LAMA5: variants seen among roughly 807,000 people sequenced by gnomAD.
LAMA5 encodes the protein laminin subunit alpha 5, also known as laminin subunit alpha-5.
A neutral mutation model predicts 433.4 loss-of-function variants in LAMA5; 260 were observed. The observed-to-expected ratio is 0.60, with a 90% CI of 0.54 to 0.66. The LOEUF is 0.66. LAMA5 is among the 30% of genes least tolerant of loss of function. The pLI is 0.00. For synonymous variants in LAMA5, 2,620 were observed against 2,226.6 expected (o/e 1.18, Z -4.97); for missense variants, 5,378 against 5,258.5 (o/e 1.02, Z -0.70).
intron 38 of LAMA5, 112 bp downstream of exon 38, chr20:62,327,121 G>A (rs1480158148): frequency 1.8e-5 from 21 of 1,187,618 alleles, no homozygotes; most frequent in East Asian, 1.0e-4. Context: ...GCACCCTCAC[G>A]GACCCCCATG....
In LAMA5 at chr20:62,328,363, C is replaced by T. The variant is rs7262393; in HGVS notation, c.4530G>A (p.Leu1510=). The change falls in exon 35 of 80, where the codon CTG becomes CTA. Residue 1510 remains leucine (L), a synonymous_variant. Coordinates refer to ENST00000252999, the MANE Select transcript of LAMA5 (RefSeq NM_005560.6). ...CPPRTIPPDC[L]LCQPQTFGCH... is the part of the protein sequence containing the mutation. Reference sequence around the variant, plus strand: ...AGCCAAAGGTCTGGGGCTGGCACAGCAGGCAGTCGGGCGGGATGGTGCGTG... The same window carrying T: ...AGCCAAAGGTCTGGGGCTGGCACAGTAGGCAGTCGGGCGGGATGGTGCGTG... The T allele has an allele frequency of 0.21, 331,138 of 1,585,618 alleles. 35,936 individuals are homozygous for T. Among genetic ancestry groups the T allele is most frequent in the African/African-American group, 0.27 (20,332 of 74,564 alleles).
At position 62,310,665 on chromosome 20, in the gene LAMA5, C is replaced by T. The variant is rs754844649; in HGVS notation, c.10446G>A (p.Pro3482=). 26 of 1,602,266 alleles carry T rather than the reference C, an allele frequency of 1.6e-5. No homozygotes were observed. Among genetic ancestry groups the T allele is most frequent in the East Asian group, 4.5e-5 (2 of 44,878 alleles). Residue 3482 remains proline (P), a splice_region_variant and synonymous_variant, in exon 75 of 80, where the codon CCG becomes CCA. Coordinates refer to ENST00000252999, the MANE Select transcript of LAMA5 (RefSeq NM_005560.6). The stretch of plus-strand genomic sequence containing the variant: ...GGGGCTGGGGCAAGATGGTTCTCAC[C>T]GGAAGTTTGGAGCTGTGGCTGCTGG... ...LPASSHSSKL[P]VTVGFSGCVK... is the part of the protein sequence containing the mutation.
chr20:62,317,480 G>C lies in LAMA5; in HGVS notation c.7376C>G (p.Ala2459Gly), dbSNP rs1365259007. 1.3e-6 allele frequency: 2 copies of C among 1,551,652 alleles called. No homozygotes were observed. The highest frequency in any genetic ancestry group is 1.7e-6 in the Non-Finnish European group (2 of 1,146,142). ...TGGGGTCCGAGCCCCATCCAGGCTG[G>C]CGGCGAGGCGCTCCAGCTCCTGGAA... ...QAKEELERLAASLDGARTPLL... is the reference protein window; with the variant it reads ...QAKEELERLAGSLDGARTPLL... The change falls in exon 55 of 80, where the codon GCC becomes GGC. Residue 2459 changes from alanine to glycine, a missense_variant. Ala to Gly is a moderately conservative substitution (Grantham distance 60). Transcript: ENST00000252999.
At position 62,324,278 on chromosome 20, in the gene LAMA5, C is replaced by T. The variant is rs1249263043; in HGVS notation, c.5644-74G>A. The T allele has an allele frequency of 1.9e-6, 3 of 1,545,558 alleles. No individual in the cohort carries two copies. Among genetic ancestry groups the T allele is most frequent in the Non-Finnish European group, 1.7e-6 (2 of 1,147,194 alleles). On this transcript the variant is annotated intron_variant, in intron 42 of 79. Transcript: ENST00000252999. This position sits in a 1 kb window ranked among gnomAD's most constrained non-coding sequence, Gnocchi z 4.4. The stretch of plus-strand genomic sequence containing the variant: ...TGCCGAGTCTGTGCAGCTCCCACCA[C>T]CCCTGCCTCAGACTCTGTGCCCAAG...
Position 62,332,461 on chromosome 20 carries a change from C to T in LAMA5, c.3463G>A (p.Ala1155Thr). Residue 1155 changes from alanine to threonine, a missense_variant, in exon 28 of 80, where the codon GCC (alanine) becomes ACC (threonine). Transcript: ENST00000252999. ...GCCAGGTGGTCCTGGGTATCCCGGG[C>T]AGTGCCCCGGCACAGGGTGCTGTGG... ...CLYSTLCRGT[A>T]RDTQDHLAVF... 6.2e-7 allele frequency: 1 copy of T among 1,612,604 alleles called. No individual in the cohort carries two copies. The highest frequency in any genetic ancestry group is 8.5e-7 in the Non-Finnish European group (1 of 1,179,894).
chr20:62,343,321 G>A (rs1270611992), intron 11 of LAMA5, among the ~76,000 whole-genome samples: 1 of 152,172 alleles, frequency 6.6e-6, no homozygotes, highest in East Asian at 1.9e-4. Flanking sequence ...GAGAATTCCT[G>A]GGTAAGGGAG....
Position 62,313,505 on chromosome 20 carries a change from C to T in LAMA5, c.8659-45G>A, listed in dbSNP as rs755800812. On this transcript the variant is annotated intron_variant, in intron 63 of 79. Transcript: ENST00000252999. Reference sequence around the variant, plus strand: ...TCAGGGCACCTGGCCTGAGGCGCCTCCCCTCCAGGATGGACCAAGGGGACT... The same window carrying T: ...TCAGGGCACCTGGCCTGAGGCGCCTTCCCTCCAGGATGGACCAAGGGGACT... The T allele has an allele frequency of 3.8e-6, 6 of 1,565,734 alleles. No homozygotes were observed. In the South Asian group the frequency reaches 7.2e-5, roughly 19 times the overall value.
Position 62,317,851 on chromosome 20 carries a change from C to T in LAMA5, c.7240-73G>A, listed in dbSNP as rs1045650367. On this transcript the variant is annotated intron_variant, in intron 53 of 79. Coordinates refer to ENST00000252999, the MANE Select transcript of LAMA5 (RefSeq NM_005560.6). ...ATAAAGGATGTGATGGGGTGGACAG[C>T]AGGGCAGGGAAGGGAGAAGAAAAGA... 17 of 419,002 alleles carry T rather than the reference C, an allele frequency of 4.1e-5. 1 individual carries two copies. The Middle Eastern group carries it at 2.6e-3, about 63-fold the overall frequency. The allele number at this position is 419,002 out of a possible 1,614,324, so 26.0% of individuals were successfully genotyped here.
intron 35 of LAMA5, 106 bp downstream of exon 35, chr20:62,328,135 C>G (rs2146168261): frequency 6.6e-7 from 1 of 1,513,776 alleles, no homozygotes; most frequent in East Asian, 2.4e-5. Context: ...CTGCTGCACC[C>G]AGGGAGCACA....
chr20:62,364,955 G>A (rs935679101), intron 1 of LAMA5, among the ~76,000 whole-genome samples: 8 of 152,250 alleles, frequency 5.3e-5, no homozygotes, highest in South Asian at 2.1e-4. Flanking sequence ...TGCCCCAACC[G>A]CAGCTCCACT....
chr20:62,311,809 C>G (rs375991554), intron 70 of LAMA5, 25 bp from the exon 71 acceptor site: 4 of 1,558,096 alleles, frequency 2.6e-6, no homozygotes, highest in Non-Finnish European at 3.5e-6. Flanking sequence ...GCCGGAGGCT[C>G]GGTTTTTCCC....
chr20:62,320,070 G>C (rs754971804), intron 50 of LAMA5, among the ~76,000 whole-genome samples: 7 of 152,126 alleles, frequency 4.6e-5, no homozygotes, highest in Non-Finnish European at 1.0e-4. Context: ...TGTAATCCCA[G>C]CACTTTGGGA....
intron 18 of LAMA5, 71 bp from the exon 19 acceptor site, chr20:62,335,340 C>A: frequency 1.3e-6 from 2 of 1,521,070 alleles, no homozygotes; most frequent in Admixed American, 1.8e-5. Context: ...CCCGAGGAAC[C>A]CCCACACCCT....
intron 3 of LAMA5, chr20:62,352,897 A>C (rs1984574456): frequency 4.1e-6 from 2 of 483,896 alleles, no homozygotes. Context: ...GGCAGCCAAG[A>C]GATGGCACCA....
chr20:62,312,400 C>G lies in LAMA5; in HGVS notation c.9360G>C (p.Leu3120=). Residue 3120 remains leucine (L), a splice_region_variant and synonymous_variant, in exon 68 of 80, where the codon CTG becomes CTC. Transcript: ENST00000252999. ...GVSAGCTADL[L]VGRAMTFHGH... is the part of the protein sequence containing the mutation. ...CCCCAGCCCGGGGAGGGCTGCTCACCAGCAGGTCGGCGGTGCAGCCGGCGC... is the reference window on the plus strand; with the variant it reads ...CCCCAGCCCGGGGAGGGCTGCTCACGAGCAGGTCGGCGGTGCAGCCGGCGC... The G allele has an allele frequency of 6.3e-7, 1 of 1,598,792 alleles. No homozygotes were observed. The highest frequency in any genetic ancestry group is 8.5e-7 in the Non-Finnish European group (1 of 1,179,278).
intron 2 of LAMA5, chr20:62,356,107 A>C (rs1241022183): frequency 6.6e-6 from 1 of 152,242 alleles, no homozygotes; most frequent in Non-Finnish European, 1.5e-5. Flanking sequence ...AGGGGGACAC[A>C]GACACTTCGC....
At chr20:62,355,036 C>A (rs1482715619) in intron 2 of LAMA5, among the ~76,000 whole-genome samples, 1 of 152,216 alleles carries the variant, frequency 6.6e-6, no homozygotes, top group Non-Finnish European at 1.5e-5. Context: ...CCTCCCCTGA[C>A]GGGCCCACAG....
rs769164329 is a variant in LAMA5 at position 62,310,695 on chromosome 20, G to C, written c.10416C>G (p.Leu3472=). The C allele has an allele frequency of 6.2e-7, 1 of 1,602,370 alleles. No individual in the cohort carries two copies. Among genetic ancestry groups the C allele is most frequent in the Admixed American group, 1.7e-5 (1 of 59,410 alleles). The stretch of plus-strand genomic sequence containing the variant: ...GTTTGGAGCTGTGGCTGCTGGCCGG[G>C]AGGCCGCCCACAAAGAGGGTGTGGG... ...PQPHTLFVGG[L]PASSHSSKLP... is the part of the protein sequence containing the mutation. The change falls in exon 75 of 80, where the codon CTC becomes CTG. Residue 3472 remains leucine, a synonymous_variant. Coordinates refer to ENST00000252999, the MANE Select transcript of LAMA5 (RefSeq NM_005560.6).
At chr20:62,310,355 C>T (rs1244027306) in intron 76 of LAMA5, 44 bp from the exon 77 acceptor site, 3 of 1,570,496 alleles carry the variant, frequency 1.9e-6, no homozygotes, top group East Asian at 2.2e-5. Context: ...GGGGCCCCTC[C>T]CCAGAACCTC....
Sources: gnomAD v4.1 joint callset for allele counts (sites outside exome capture counted in the v4.1 genomes callset) on GRCh38, gnomAD v4.1.1 for gene constraint, Gnocchi (gnomAD v3.1) non-coding constraint, MANE v1.5 for transcripts, NCBI Gene and HGNC (gene_info 2026-07-23, HGNC 2026-07-21) for gene names.